The following PIK3C2A variants were observed in gnomAD, a reference collection of about 807,000 sequenced individuals.
PIK3C2A encodes phosphatidylinositol-4-phosphate 3-kinase catalytic subunit type 2 alpha, also known as phosphatidylinositol 4-phosphate 3-kinase C2 domain-containing subunit alpha.
PIK3C2A carries 97 observed loss-of-function variants against 204.5 expected under a neutral mutation model. That is an observed-to-expected ratio of 0.47 (90% CI 0.40 to 0.56). The LOEUF (loss-of-function observed/expected upper bound fraction) is 0.56. Ranked by LOEUF, PIK3C2A falls within the 20% of genes least tolerant of loss-of-function variation. PIK3C2A has a pLI of 0.00. For missense variants in PIK3C2A, 1,735 were observed against 1,969.2 expected, an observed-to-expected ratio of 0.88 and a Z score of 2.25; for synonymous variants, 653 against 664.4, an observed-to-expected ratio of 0.98 and a Z score of 0.26.
intron 13 of PIK3C2A, among the ~76,000 whole-genome samples, chr11:17,123,888 C>T (rs775172931): frequency 2.6e-5 from 4 of 152,094 alleles, no homozygotes; most frequent in Non-Finnish European, 4.4e-5. Context: ...CTGAAAACAA[C>T]GTAAGATATA....
chr11:17,156,336 A>G (rs1850589224), intron 2 of PIK3C2A, among the ~76,000 whole-genome samples: 1 of 152,216 alleles, frequency 6.6e-6, no homozygotes, highest in Non-Finnish European at 1.5e-5. Context: ...CAAAGTGCGT[A>G]TATTTCAAGA....
chr11:17,171,127 G>A (rs1262756697), intron 1 of PIK3C2A, among the ~76,000 whole-genome samples: 1 of 152,046 alleles, frequency 6.6e-6, no homozygotes, highest in Non-Finnish European at 1.5e-5. Flanking sequence ...GAAGGTATAT[G>A]ACCTTGGGCA....
chr11:17,138,678 T>C (rs893381770), intron 8 of PIK3C2A, among the ~76,000 whole-genome samples: 13 of 152,164 alleles, frequency 8.5e-5, no homozygotes, highest in African/African-American at 2.9e-4. Flanking sequence ...TATTTTAGGC[T>C]TTGTGGGCCA....
chr11:17,152,420 G>A (rs1423173541), intron 3 of PIK3C2A, among the ~76,000 whole-genome samples: 1 of 151,916 alleles, frequency 6.6e-6, no homozygotes, highest in Non-Finnish European at 1.5e-5. Context: ...TTACAATTGA[G>A]GTTTTTTTGT....
In PIK3C2A at chr11:17,094,252, A is replaced by C. The variant is rs367630978; in HGVS notation, c.4451+9T>G. ...CAAAAAGGATTAATGTACAAGGATG[A>C]ATACATACCCTGGTAACTTCCAAAG... is the stretch of plus-strand genomic sequence containing the variant. On this transcript the variant is annotated intron_variant, in intron 28 of 32. Coordinates refer to ENST00000691414, the MANE Select transcript of PIK3C2A (RefSeq NM_002645.4). The C allele has an allele frequency of 1.6e-5, 26 of 1,599,924 alleles. No individual in the cohort carries two copies. Among genetic ancestry groups the C allele is most frequent in the Non-Finnish European group, 2.2e-5 (26 of 1,169,560 alleles).
intron 5 of PIK3C2A, 22 bp downstream of exon 5, chr11:17,148,645 C>T (rs753555681): frequency 6.2e-7 from 1 of 1,607,500 alleles, no homozygotes; most frequent in South Asian, 1.1e-5. Flanking sequence ...AAGGATGTTG[C>T]TCAGTAGTTA....
intron 1 of PIK3C2A, among the ~76,000 whole-genome samples, chr11:17,201,529 AAAAAAAAAAAAAAAGAAAAAAG>A (rs1250352556): frequency 2.4e-5 from 2 of 82,074 alleles, no homozygotes; most frequent in African/African-American, 4.9e-5. Context: ...CCGTCTCAAA[AAAAAAAAAAAAAAAGAAAAAAG>A]AAAAAAAAAA....
Position 17,169,014 on chromosome 11 carries a change from CT to C in PIK3C2A, c.727del (p.Arg243GlyfsTer6). ...TGAATCTGTTATCTCCAAATCAGTC[CT>C]TGCTTTCCCATTTTTTAAAAATTCT... ...TSEFLKNGKA[R>X]TDLEITDSKV... On this transcript the variant is annotated frameshift_variant, in exon 2 of 33. Coordinates refer to ENST00000691414, the MANE Select transcript of PIK3C2A (RefSeq NM_002645.4). LOFTEE classifies it high-confidence loss of function. 1 of 1,613,790 alleles carries C rather than the reference CT, an allele frequency of 6.2e-7. No homozygotes were observed. Among genetic ancestry groups the C allele is most frequent in the Non-Finnish European group, 8.5e-7 (1 of 1,179,916 alleles).
At position 17,110,435 on chromosome 11, in the gene PIK3C2A, G is replaced by A. The variant is rs758670140; in HGVS notation, c.3541C>T (p.Arg1181Ter). The A allele has an allele frequency of 1.2e-6, 2 of 1,607,982 alleles. No homozygotes were observed. The highest frequency in any genetic ancestry group is 8.5e-7 in the Non-Finnish European group (1 of 1,177,524). Reference sequence around the variant, plus strand: ...AAGACACAGCTAATAAACTTACCTCGATCTCTGCCAGTTGAGAGACATTTG... The same window carrying A: ...AAGACACAGCTAATAAACTTACCTCAATCTCTGCCAGTTGAGAGACATTTG... Reference protein sequence around the residue: ...IFKCLSTGRDRGMVELVPASD... With the variant: ...IFKCLSTGRD Residue 1181 changes from arginine (R) to a stop codon, truncating the protein, a stop_gained, in exon 22 of 33, where the codon CGA (arginine) becomes TGA (stop). Transcript: ENST00000691414. LOFTEE classifies it high-confidence loss of function.
At chr11:17,192,835 G>A (rs1236931861) in intron 1 of PIK3C2A, among the ~76,000 whole-genome samples, 1 of 152,234 alleles carries the variant, frequency 6.6e-6, no homozygotes, top group Middle Eastern at 3.2e-3. Context: ...CAATTATTAT[G>A]TGGTAACTAT....
In PIK3C2A at chr11:17,135,136, T is replaced by C; in HGVS notation, c.1872A>G (p.Glu624=). The change falls in exon 10 of 33, where the codon GAA becomes GAG. Residue 624 remains glutamate (E), a synonymous_variant. Coordinates refer to ENST00000691414, the MANE Select transcript of PIK3C2A (RefSeq NM_002645.4). The part of the protein sequence containing the change: ...TADVTSLFGG[E]DTSRSSTRGS... ...CCCTAGTTGAACTCCTGCTAGTGTC[T>C]TCTCCTCCAAACAAAGAAGTCACCT... 4 of 1,614,052 alleles carry C rather than the reference T, an allele frequency of 2.5e-6. No homozygotes were observed. The highest frequency in any genetic ancestry group is 3.4e-6 in the Non-Finnish European group (4 of 1,179,964).
intron 6 of PIK3C2A, 88 bp downstream of exon 6, chr11:17,147,429 A>G: frequency 1.4e-6 from 1 of 716,570 alleles, no homozygotes; most frequent in Non-Finnish European, 2.5e-6. Context: ...CTATGAAATC[A>G]TGAAAAATGT....
chr11:17,106,529 C>A (rs1848825126), intron 22 of PIK3C2A, among the ~76,000 whole-genome samples: 1 of 152,174 alleles, frequency 6.6e-6, no homozygotes, highest in African/African-American at 2.4e-5. Context: ...CTAGTCTGTA[C>A]ATCCATGTAC....
intron 13 of PIK3C2A, among the ~76,000 whole-genome samples, chr11:17,124,457 CTTT>C (rs397849773): frequency 4.3e-5 from 6 of 138,306 alleles, no homozygotes; most frequent in Admixed American, 7.3e-5. Context: ...ATTTGGATGT[CTTT>C]TTTTTTTTTT....
intron 1 of PIK3C2A, among the ~76,000 whole-genome samples, chr11:17,183,438 G>A (rs1851635996): frequency 6.6e-6 from 1 of 152,078 alleles, no homozygotes; most frequent in Non-Finnish European, 1.5e-5. Flanking sequence ...AACTTTGGGA[G>A]GCCAAGGTGG....
intron 20 of PIK3C2A, among the ~76,000 whole-genome samples, 175 bp downstream of exon 20, chr11:17,114,181 AGGAAT>A (rs1849098356): frequency 6.6e-6 from 1 of 151,852 alleles, no homozygotes; most frequent in Non-Finnish European, 1.5e-5. Flanking sequence ...TTTTTTTCCC[AGGAAT>A]GGTGGTTAGG....
At chr11:17,109,335 C>T (rs1008697616) in intron 22 of PIK3C2A, among the ~76,000 whole-genome samples, 2 of 152,216 alleles carry the variant, frequency 1.3e-5, no homozygotes, top group Non-Finnish European at 2.9e-5. Context: ...ACCATATATT[C>T]TTACCATTTT....
chr11:17,183,367 T>C (rs1653144621), intron 1 of PIK3C2A, among the ~76,000 whole-genome samples: 1 of 152,228 alleles, frequency 6.6e-6, no homozygotes, highest in African/African-American at 2.4e-5. Context: ...TCTCTTACTG[T>C]GCCTAACTTA....
chr11:17,203,915 A>G (rs544558753), intron 1 of PIK3C2A, among the ~76,000 whole-genome samples: 3 of 152,252 alleles, frequency 2.0e-5, no homozygotes, highest in Admixed American at 6.5e-5. Flanking sequence ...TACTAAAATA[A>G]TATAAAAAAT....
Sources: gnomAD v4.1 joint callset for allele counts (sites outside exome capture counted in the v4.1 genomes callset) on GRCh38, gnomAD v4.1.1 for gene constraint, MANE v1.5 for transcripts, NCBI Gene and HGNC (gene_info 2026-07-23, HGNC 2026-07-21) for gene names.